CUX1: variants seen among roughly 807,000 people sequenced by gnomAD.
CUX1 encodes the protein cut like homeobox 1.
A neutral mutation model predicts 158.8 loss-of-function variants in CUX1; 31 were observed. The observed-to-expected ratio is 0.20, with a 90% CI of 0.15 to 0.26. CUX1 has a LOEUF of 0.26. CUX1 is among the 10% of genes least tolerant of loss of function. The pLI is 1.00. For synonymous variants in CUX1, 879 were observed against 862.1 expected (o/e 1.02, Z -0.34); for missense variants, 1,589 against 2,014.6 (o/e 0.79, Z 4.04).
chr7:101,976,604 A>C (rs1812715961), intron 2 of CUX1, among the ~76,000 whole-genome samples: 1 of 152,152 alleles, frequency 6.6e-6, no homozygotes, highest in African/African-American at 2.4e-5. Context: ...TCTTTCTCAT[A>C]ACTTTTTTGG....
At chr7:102,022,143 C>A (rs1041371931) in intron 2 of CUX1, among the ~76,000 whole-genome samples, 16 of 152,194 alleles carry the variant, frequency 1.1e-4, no homozygotes, top group South Asian at 4.2e-4. Flanking sequence ...GTGTGTGTTA[C>A]GACTCCCGCT....
intron 2 of CUX1, among the ~76,000 whole-genome samples, chr7:102,023,024 G>A (rs1302273988): frequency 1.3e-5 from 2 of 152,144 alleles, no homozygotes; most frequent in Non-Finnish European, 2.9e-5. Flanking sequence ...AGACCAGCCT[G>A]GCCAACATGG....
intron 6 of CUX1, among the ~76,000 whole-genome samples, chr7:102,110,498 G>A (rs533230259): frequency 4.0e-4 from 61 of 152,178 alleles, no homozygotes; most frequent in Admixed American, 4.6e-4. Flanking sequence ...TTACGCATTC[G>A]TTCATATTAC....
At chr7:102,073,111 A>T (rs113101019) in intron 4 of CUX1, among the ~76,000 whole-genome samples, 7 of 146,132 alleles carry the variant, frequency 4.8e-5, no homozygotes, top group Admixed American at 2.1e-4. Context: ...TTTGCCAGAG[A>T]CCCAAAGACT....
At chr7:101,997,752 G>A (rs1816143529) in intron 2 of CUX1, among the ~76,000 whole-genome samples, 1 of 152,164 alleles carries the variant, frequency 6.6e-6, no homozygotes, top group Non-Finnish European at 1.5e-5. Flanking sequence ...GCAGCTGTGT[G>A]TGCAGTGCGG....
chr7:102,122,108 G>A (rs1346088085), intron 8 of CUX1, among the ~76,000 whole-genome samples: 1 of 152,100 alleles, frequency 6.6e-6, no homozygotes, highest in Non-Finnish European at 1.5e-5. Context: ...GACAAATATT[G>A]CATCCCCTGA....
intron 20 of CUX1, among the ~76,000 whole-genome samples, chr7:102,219,323 C>G (rs1797580895): frequency 6.6e-6 from 1 of 152,132 alleles, no homozygotes; most frequent in East Asian, 1.9e-4. Flanking sequence ...GAGCTACCAC[C>G]CATCCCCTCT....
At chr7:102,244,928 T>C (rs1035317421) in intron 23 of CUX1, among the ~76,000 whole-genome samples, 3 of 152,170 alleles carry the variant, frequency 2.0e-5, no homozygotes, top group East Asian at 1.9e-4. Flanking sequence ...TCCTTAGAAA[T>C]ATGGAGACAA....
At chr7:102,152,220 C>T (rs1191042757) in intron 8 of CUX1, among the ~76,000 whole-genome samples, 1 of 151,978 alleles carries the variant, frequency 6.6e-6, no homozygotes, top group African/African-American at 2.4e-5. Context: ...CTTGCTAGTG[C>T]ACACCTATAA....
At chr7:102,243,619 C>T (rs1800455310) in intron 23 of CUX1, among the ~76,000 whole-genome samples, 1 of 144,092 alleles carries the variant, frequency 6.9e-6, no homozygotes. Context: ...CAGTGAGACC[C>T]TGTCTCTACA....
intron 1 of CUX1, among the ~76,000 whole-genome samples, chr7:101,829,700 T>G: frequency 6.6e-6 from 1 of 151,368 alleles, no homozygotes; most frequent in African/African-American, 2.4e-5. Flanking sequence ...TGGGTGGGCT[T>G]GAGGGGAGCA....
At chr7:102,236,839 C>T (rs149478542) in intron 22 of CUX1, among the ~76,000 whole-genome samples, 4 of 152,338 alleles carry the variant, frequency 2.6e-5, no homozygotes, top group Non-Finnish European at 4.4e-5. Flanking sequence ...TCCCAGGCCT[C>T]CCATCTTTCC....
intron 2 of CUX1, among the ~76,000 whole-genome samples, chr7:101,992,764 C>T (rs1815308261): frequency 6.6e-6 from 1 of 152,258 alleles, no homozygotes; most frequent in Non-Finnish European, 1.5e-5. Flanking sequence ...GCCACCAGAG[C>T]TTTGATTTCC....
intron 2 of CUX1, among the ~76,000 whole-genome samples, chr7:101,940,004 C>T (rs1049257619): frequency 1.3e-5 from 2 of 151,412 alleles, no homozygotes; most frequent in African/African-American, 2.4e-5. Context: ...TGCTTGAACC[C>T]GGGAGGTGGA....
At chr7:101,881,918 C>T (rs1322779738) in intron 1 of CUX1, among the ~76,000 whole-genome samples, 3 of 152,088 alleles carry the variant, frequency 2.0e-5, no homozygotes, top group African/African-American at 4.8e-5. Flanking sequence ...TGGCTCACAC[C>T]TGTCATCCCA....
chr7:102,104,964 T>C (rs896280759), intron 6 of CUX1, among the ~76,000 whole-genome samples: 2 of 152,098 alleles, frequency 1.3e-5, no homozygotes, highest in Non-Finnish European at 2.9e-5. Context: ...CGGTGGATGG[T>C]GTCAGGCAGC....
At chr7:102,270,916 G>T (rs755245642) in intron 14 of CUX1, among the ~76,000 whole-genome samples, 1 of 152,180 alleles carries the variant, frequency 6.6e-6, no homozygotes, top group African/African-American at 2.4e-5. Context: ...ACAGGAACAA[G>T]TGCACGGGGA....
chr7:102,173,790 G>T (rs3810770), intron 10 of CUX1, among the ~76,000 whole-genome samples: 2 of 152,228 alleles, frequency 1.3e-5, no homozygotes, highest in Admixed American at 1.3e-4. Flanking sequence ...CTTCATCATC[G>T]GTTAAGTGCC....
chr7:102,146,418 G>A (rs1321251025), intron 8 of CUX1, among the ~76,000 whole-genome samples: 6 of 152,168 alleles, frequency 3.9e-5, no homozygotes, highest in Non-Finnish European at 7.4e-5. Context: ...ACGTGCCGTA[G>A]AAGGTCATTT....
Sources: allele counts gnomAD v4.1 joint callset (sites outside exome capture counted in the v4.1 genomes callset), GRCh38; gene constraint gnomAD v4.1.1; transcripts MANE v1.5; gene names NCBI Gene and HGNC (gene_info 2026-07-23, HGNC 2026-07-21).